SCAI: variants seen among roughly 807,000 people sequenced by gnomAD.
SCAI encodes protein SCAI.
A neutral mutation model predicts 92.2 loss-of-function variants in SCAI; 24 were observed. The observed-to-expected ratio is 0.26, with a 90% CI of 0.19 to 0.37. The LOEUF is 0.37. SCAI is among the 10% of genes least tolerant of loss of function. The pLI, the probability that SCAI is intolerant of heterozygous loss-of-function variation, is 1.00. For missense variants in SCAI, 450 were observed against 736.2 expected, an observed-to-expected ratio of 0.61 and a Z score of 4.50; for synonymous variants, 261 against 258.6, an observed-to-expected ratio of 1.01 and a Z score of -0.09.
At chr9:125,026,157 G>A (rs1016069680) in intron 6 of SCAI, among the ~76,000 whole-genome samples, 2 of 152,180 alleles carry the variant, frequency 1.3e-5, no homozygotes, top group African/African-American at 4.8e-5. Flanking sequence ...GATCACTTGA[G>A]GTCAAGAGTT....
chr9:125,112,301 A>AG (rs954483005), intron 2 of SCAI, among the ~76,000 whole-genome samples: 2 of 152,200 alleles, frequency 1.3e-5, no homozygotes, highest in African/African-American at 4.8e-5. Flanking sequence ...TTTATAAAAA[A>AG]GAAAAAAAAC....
intron 2 of SCAI, among the ~76,000 whole-genome samples, chr9:125,138,774 C>T (rs1835601684): frequency 6.6e-6 from 1 of 152,118 alleles, no homozygotes; most frequent in Admixed American, 6.6e-5. Context: ...GTCTCAAACT[C>T]CCGACCTCAG....
In SCAI at chr9:125,001,991, A is replaced by G. The variant is rs912133819; in HGVS notation, c.1118T>C (p.Phe373Ser). ...TTCACTATCAGAACGACCTGTGGGG[A>G]AAACGCCAGTGGCCGACAGGTAAAT... is the stretch of plus-strand genomic sequence containing the variant. ...LLIYLSATGV[F>S]PTGRSDSEGP... Residue 373 changes from phenylalanine (F) to serine (S), a missense_variant, in exon 12 of 18, where the codon TTC (phenylalanine) becomes TCC (serine). Coordinates refer to ENST00000336505, the MANE Select transcript of SCAI (RefSeq NM_001144877.3). 6.2e-7 allele frequency: 1 copy of G among 1,613,620 alleles called. No homozygotes were observed. The highest frequency in any genetic ancestry group is 1.1e-5 in the South Asian group (1 of 91,056).
chr9:124,999,959 A>G lies in SCAI; in HGVS notation c.1176T>C (p.Asn392=), dbSNP rs367626941. ...GPYDFGGVLT[N]SNRDIINGDA... is the part of the protein sequence containing the mutation. ...CTCCATTAATAATATCCCGGTTACT[A>G]TTAGTAAGTACACCTCCAAAATCAT... The change falls in exon 13 of 18, where the codon AAT becomes AAC. Residue 392 remains asparagine (N), a synonymous_variant. Transcript: ENST00000336505. 64 of 1,590,878 alleles carry G rather than the reference A, an allele frequency of 4.0e-5. No homozygotes were observed. The highest frequency in any genetic ancestry group is 8.8e-5 in the Admixed American group (5 of 56,722).
intron 5 of SCAI, 149 bp from the exon 6 acceptor site, chr9:125,027,059 T>A: frequency 2.1e-6 from 1 of 466,140 alleles, no homozygotes; most frequent in Non-Finnish European, 3.8e-6. Flanking sequence ...AAGACAATAA[T>A]CATATCACCC....
chr9:124,954,120 C>T (rs902922703), intron 17 of SCAI, among the ~76,000 whole-genome samples: 2 of 152,202 alleles, frequency 1.3e-5, no homozygotes, highest in African/African-American at 4.8e-5. Flanking sequence ...GGATTACAGG[C>T]GTGAGCCACT....
intron 14 of SCAI, among the ~76,000 whole-genome samples, chr9:124,991,150 C>T (rs144147632): frequency 0.016 from 2,432 of 151,990 alleles, 58 homozygotes; most frequent in African/African-American, 0.055. Context: ...GTTGGGAGTT[C>T]GAGACCAGCC....
intron 2 of SCAI, among the ~76,000 whole-genome samples, chr9:125,066,740 A>C (rs1166149236): frequency 2.6e-5 from 4 of 152,214 alleles, no homozygotes; most frequent in Non-Finnish European, 4.4e-5. Context: ...GGCGTGAGCC[A>C]CTGCGCCTGG....
chr9:125,121,103 T>C (rs191849245), intron 2 of SCAI, among the ~76,000 whole-genome samples: 1 of 151,974 alleles, frequency 6.6e-6, no homozygotes, highest in Non-Finnish European at 1.5e-5. Context: ...TTCTCATTTT[T>C]AATAAAATTC....
intron 2 of SCAI, chr9:125,065,881 T>C (rs923443385): frequency 1.6e-5 from 10 of 619,206 alleles, no homozygotes; most frequent in African/African-American, 7.7e-5. Flanking sequence ...AAATTTAACA[T>C]TGGCTCACAA....
At chr9:124,981,726 C>T (rs943723956) in intron 14 of SCAI, among the ~76,000 whole-genome samples, 2 of 151,904 alleles carry the variant, frequency 1.3e-5, no homozygotes, top group East Asian at 1.9e-4. Flanking sequence ...CATAGCTCAC[C>T]GCAGTCTTTA....
intron 14 of SCAI, among the ~76,000 whole-genome samples, chr9:124,991,342 A>G (rs1433178447): frequency 8.3e-6 from 1 of 120,230 alleles, no homozygotes; most frequent in African/African-American, 3.3e-5. Context: ...ACAGAGCAAA[A>G]CTCCGTCTCA....
At chr9:125,056,129 C>A in intron 2 of SCAI, 122 bp from the exon 3 acceptor site, 1 of 702,918 alleles carries the variant, frequency 1.4e-6, no homozygotes, top group Non-Finnish European at 2.3e-6. Flanking sequence ...TGATTACAAT[C>A]AAATCACAAA....
At chr9:125,098,048 T>C (rs1157154026) in intron 2 of SCAI, among the ~76,000 whole-genome samples, 2 of 151,710 alleles carry the variant, frequency 1.3e-5, no homozygotes, top group East Asian at 1.9e-4. Context: ...CATATATATA[T>C]GTGTATATAC....
At chr9:125,072,906 T>C (rs903283325) in intron 2 of SCAI, among the ~76,000 whole-genome samples, 8 of 152,242 alleles carry the variant, frequency 5.3e-5, no homozygotes, top group African/African-American at 1.2e-4. Context: ...CTTGTTTTTA[T>C]ATACCATATT....
intron 17 of SCAI, among the ~76,000 whole-genome samples, chr9:124,962,168 T>TG (rs1343431111): frequency 7.2e-6 from 1 of 138,578 alleles, no homozygotes; most frequent in Non-Finnish European, 1.5e-5. Flanking sequence ...TTTTTTTTTT[T>TG]TTGCGGGGGG....
intron 2 of SCAI, among the ~76,000 whole-genome samples, chr9:125,139,018 G>A (rs1208781726): frequency 6.6e-6 from 1 of 152,192 alleles, no homozygotes; most frequent in Non-Finnish European, 1.5e-5. Context: ...TGGAGCAGAG[G>A]GAGGGTGGGG....
intron 2 of SCAI, among the ~76,000 whole-genome samples, chr9:125,134,806 A>T (rs1175560807): frequency 6.6e-6 from 1 of 152,154 alleles, no homozygotes; most frequent in Non-Finnish European, 1.5e-5. Flanking sequence ...CCTCCTGAGT[A>T]GCTGGGATTA....
At chr9:125,087,031 TTTGGAAAA>T (rs1321207871) in intron 2 of SCAI, among the ~76,000 whole-genome samples, 2 of 151,998 alleles carry the variant, frequency 1.3e-5, no homozygotes, top group Non-Finnish European at 2.9e-5. Context: ...ACTATTAGAC[TTTGGAAAA>T]CCAGACTGTA....
Sources: allele counts gnomAD v4.1 joint callset (sites outside exome capture counted in the v4.1 genomes callset), GRCh38; gene constraint gnomAD v4.1.1; transcripts MANE v1.5; gene names NCBI Gene and HGNC (gene_info 2026-07-23, HGNC 2026-07-21).